UBE2G1: variants seen among roughly 807,000 people sequenced by gnomAD.
The protein encoded by UBE2G1 is ubiquitin conjugating enzyme E2 G1.
UBE2G1 carries 5 observed loss-of-function variants against 22.7 expected under a neutral mutation model. The ratio of observed to expected loss-of-function variants is 0.22; its 90% CI spans 0.12 to 0.46. The LOEUF is 0.46. Ranked by LOEUF, UBE2G1 falls within the 20% of genes least tolerant of loss-of-function variation. UBE2G1 has a pLI of 0.99. For missense variants in UBE2G1, 88 were observed against 203.9 expected (o/e 0.43, Z 3.46); for synonymous variants, 74 against 67.5 (o/e 1.10, Z -0.47).
At chr17:4,289,190 A>G in intron 4 of UBE2G1, 40 bp downstream of exon 4, 1 of 1,471,936 alleles carries the variant, frequency 6.8e-7, no homozygotes. Flanking sequence ...TTTTATTACA[A>G]GGGAAAGTGA....
At chr17:4,274,608 C>T (rs1009052936) in intron 5 of UBE2G1, among the ~76,000 whole-genome samples, 33 of 152,336 alleles carry the variant, frequency 2.2e-4, no homozygotes, top group African/African-American at 7.7e-4. Flanking sequence ...GGTAGAACGA[C>T]TGCTATATGT....
intron 1 of UBE2G1, among the ~76,000 whole-genome samples, chr17:4,318,252 G>A (rs1435065995): frequency 7.2e-5 from 11 of 152,074 alleles, no homozygotes; most frequent in East Asian, 1.9e-4. Flanking sequence ...AAAGGAATAC[G>A]TCTGTATTCT....
In UBE2G1 at chr17:4,307,026, T is replaced by C. The variant is rs1258314973; in HGVS notation, c.144A>G (p.Thr48=). 5.6e-6 allele frequency: 9 copies of C among 1,612,716 alleles called. No homozygotes were observed. In the East Asian group the frequency reaches 8.9e-5, roughly 16 times the overall value. Residue 48 remains threonine (T), a synonymous_variant, in exon 2 of 6, where the codon ACA becomes ACG. Transcript: ENST00000396981. ...WEVLIIGPPD[T]LYEGGVFKAH... ...GTCAGTTCCATTATACTTACTAAAG[T>C]GTATCTGGAGGGCCAATAATAAGGA...
intron 1 of UBE2G1, among the ~76,000 whole-genome samples, chr17:4,354,439 T>C (rs1200795887): frequency 1.3e-5 from 2 of 152,146 alleles, no homozygotes; most frequent in African/African-American, 2.4e-5. Context: ...CGAAATTACA[T>C]ACCAAATTAT....
At chr17:4,348,528 G>A (rs1483265793) in intron 1 of UBE2G1, among the ~76,000 whole-genome samples, 5 of 147,464 alleles carry the variant, frequency 3.4e-5, no homozygotes, top group Admixed American at 6.8e-5. Flanking sequence ...ACTCCAGCCT[G>A]GGCGACAGAG....
intron 1 of UBE2G1, among the ~76,000 whole-genome samples, chr17:4,340,702 A>G (rs1969701162): frequency 6.6e-6 from 1 of 152,132 alleles, no homozygotes; most frequent in East Asian, 1.9e-4. Context: ...TCTTTCCTTT[A>G]TAAATTATCC....
intron 1 of UBE2G1, among the ~76,000 whole-genome samples, chr17:4,356,915 G>T (rs959740651): frequency 1.3e-5 from 2 of 152,066 alleles, no homozygotes; most frequent in African/African-American, 4.8e-5. Flanking sequence ...CTGAAATACA[G>T]TCCCATAGGA....
intron 1 of UBE2G1, among the ~76,000 whole-genome samples, chr17:4,334,119 A>AT (rs1969616758): frequency 6.6e-6 from 1 of 151,808 alleles, no homozygotes; most frequent in South Asian, 2.1e-4. Context: ...CTGGAGTGCA[A>AT]TGGCATGATC....
chr17:4,280,549 A>G (rs1156455442), intron 5 of UBE2G1, among the ~76,000 whole-genome samples: 1 of 151,370 alleles, frequency 6.6e-6, no homozygotes, highest in African/African-American at 2.4e-5. Flanking sequence ...GGTTTCAGCC[A>G]CATGGACCAG....
At chr17:4,323,843 A>G (rs1969472566) in intron 1 of UBE2G1, among the ~76,000 whole-genome samples, 2 of 152,172 alleles carry the variant, frequency 1.3e-5, no homozygotes. Flanking sequence ...GCACCTGGCC[A>G]GTAACTAGTA....
At chr17:4,315,639 C>G in intron 1 of UBE2G1, among the ~76,000 whole-genome samples, 1 of 150,552 alleles carries the variant, frequency 6.6e-6, no homozygotes. Flanking sequence ...ACTCGGGAGG[C>G]TGAGGCAGGA....
At chr17:4,301,583 T>C (rs1969180681) in intron 2 of UBE2G1, 7 of 1,334,614 alleles carry the variant, frequency 5.2e-6, no homozygotes, top group Non-Finnish European at 7.5e-6. Context: ...TGTGTTTCTT[T>C]GGTGGCTTTT....
intron 1 of UBE2G1, among the ~76,000 whole-genome samples, chr17:4,354,767 C>A (rs1369254017): frequency 1.3e-5 from 2 of 151,890 alleles, no homozygotes; most frequent in African/African-American, 4.8e-5. Context: ...CCTGTCTCTA[C>A]CAAAAAAAAA....
At chr17:4,329,109 G>GAAAAAAAA (rs56962666) in intron 1 of UBE2G1, among the ~76,000 whole-genome samples, 2 of 91,736 alleles carry the variant, frequency 2.2e-5, no homozygotes, top group African/African-American at 4.1e-5. Flanking sequence ...GTCTCAAAAA[G>GAAAAAAAA]AAAAAAAAAA....
chr17:4,324,068 G>A (rs1039824439), intron 1 of UBE2G1, among the ~76,000 whole-genome samples: 16 of 152,118 alleles, frequency 1.1e-4, no homozygotes, highest in African/African-American at 2.9e-4. Flanking sequence ...ATGCATCTTC[G>A]CAACGGAGAA....
intron 1 of UBE2G1, among the ~76,000 whole-genome samples, chr17:4,311,704 C>T (rs1265352500): frequency 2.0e-5 from 3 of 152,164 alleles, no homozygotes; most frequent in Admixed American, 1.3e-4. Flanking sequence ...AAAGCTAGAT[C>T]GAGCTGGTGG....
At chr17:4,349,359 A>G (rs1969817403) in intron 1 of UBE2G1, among the ~76,000 whole-genome samples, 1 of 152,132 alleles carries the variant, frequency 6.6e-6, no homozygotes. Context: ...TAGAGATGGA[A>G]AAATGTTAAC....
rs936033499 is a variant in UBE2G1, at chr17:4,352,765, C to T, written c.46+13506G>A. On this transcript the variant is annotated intron_variant, in intron 1 of 5. Transcript: ENST00000396981. ...ATTCCTACAGAGAAAATGTTTGAAT[C>T]CAGCTCATTCAAAAATATTTTGTAT... 9.2e-5 allele frequency among the ~76,000 whole-genome samples: 14 copies of T among 152,214 alleles called. 1 individual carries two copies. Among genetic ancestry groups the T allele is most frequent in the African/African-American group, 2.9e-4 (12 of 41,550 alleles).
chr17:4,361,140 T>C lies in UBE2G1; in HGVS notation c.46+5131A>G, dbSNP rs139458525. ...TGGGAGGCTAAAGCAGGAGAATCAC[T>C]TGAACTCAGGAGGCGGAGGTTGCAG... On this transcript the variant is annotated intron_variant, in intron 1 of 5. Transcript: ENST00000396981. Among the ~76,000 whole-genome samples, 79 of 152,094 alleles carry C rather than the reference T, an allele frequency of 5.2e-4. 1 individual carries two copies. In the East Asian group the frequency reaches 0.012, roughly 23 times the overall value.
Sources: allele counts gnomAD v4.1 joint callset (sites outside exome capture counted in the v4.1 genomes callset), GRCh38; gene constraint gnomAD v4.1.1; transcripts MANE v1.5; gene names NCBI Gene and HGNC (gene_info 2026-07-23, HGNC 2026-07-21).